The following DUT variants were observed in gnomAD, a reference collection of about 807,000 sequenced individuals.
The protein encoded by DUT is deoxyuridine 5'-triphosphate nucleotidohydrolase, mitochondrial.
A neutral mutation model predicts 28.8 loss-of-function variants in DUT; 21 were observed. The observed-to-expected ratio is 0.73, with a 90% CI of 0.52 to 1.05. The LOEUF is 1.05. DUT is among the 50% of genes least tolerant of loss of function. The pLI is 0.00. For missense variants in DUT, 344 were observed against 351.8 expected (o/e 0.98, Z 0.18); for synonymous variants, 147 against 143.7 (o/e 1.02, Z -0.17).
Position 48,332,383 on chromosome 15 carries a change from C to T in DUT, c.396C>T (p.Arg132=). Residue 132 remains arginine (R), a synonymous_variant, in exon 2 of 7, where the codon CGC becomes CGT. Transcript: ENST00000331200. ...HATAPTRGSA[R]AAGYDLYSAY... is the part of the protein sequence containing the mutation. ...CGGCCCCCACCCGGGGCTCCGCGCG[C>T]GCCGCGGGCTACGACCTGTACAGGT... The T allele has an allele frequency of 6.3e-7, 1 of 1,583,116 alleles. No homozygotes were observed. The highest frequency in any genetic ancestry group is 8.6e-7 in the Non-Finnish European group (1 of 1,167,460).
chr15:48,338,278 G>T (rs1330601953), intron 4 of DUT, among the ~76,000 whole-genome samples: 1 of 151,882 alleles, frequency 6.6e-6, no homozygotes, highest in Non-Finnish European at 1.5e-5. Context: ...TCACTTAAAG[G>T]TTTTTCACAT....
chr15:48,332,433 G>T (rs1293447601), intron 2 of DUT, 27 bp downstream of exon 2: 1 of 1,507,394 alleles, frequency 6.6e-7, no homozygotes, highest in Non-Finnish European at 8.8e-7. Context: ...CGGCGAGGAG[G>T]CTGGGAAGGG....
chr15:48,332,274 C>T lies in DUT; in HGVS notation c.287C>T (p.Pro96Leu), dbSNP rs752176645. 19 of 1,608,776 alleles carry T rather than the reference C, an allele frequency of 1.2e-5. No individual in the cohort carries two copies. Among genetic ancestry groups the T allele is most frequent in the African/African-American group, 2.7e-5 (2 of 74,352 alleles). Reference sequence around the variant, plus strand: ...GCCATGCCCTGCTCTGAAGAGACACCCGCCATTTCACCCAGTAAGCGGGCC... The same window carrying T: ...GCCATGCCCTGCTCTGAAGAGACACTCGCCATTTCACCCAGTAAGCGGGCC... ...GGSPAPGPET[P>L]AISPSKRARP... The change falls in exon 2 of 7, where the codon CCC becomes CTC. Residue 96 changes from proline (P) to leucine (L), a missense_variant. Pro to Leu is a moderately conservative substitution (Grantham distance 98). Transcript: ENST00000331200.
chr15:48,335,939 A>G, intron 3 of DUT, 107 bp from the exon 4 acceptor site: 1 of 818,286 alleles, frequency 1.2e-6, no homozygotes, highest in Non-Finnish European at 2.0e-6. Flanking sequence ...TAAGATGAAG[A>G]TATAGATATT....
chr15:48,332,226 C>T (rs752334505), intron 1 of DUT, 42 bp from the exon 2 acceptor site: 21 of 1,555,924 alleles, frequency 1.3e-5, no homozygotes, highest in Non-Finnish European at 1.8e-5. Flanking sequence ...CCCCGGTGGT[C>T]TCCTCGCTCG....
intron 5 of DUT, 24 bp downstream of exon 5, chr15:48,341,387 A>C (rs370738147): frequency 6.3e-7 from 1 of 1,579,940 alleles, no homozygotes. Flanking sequence ...ATACATTCAC[A>C]TAATTTTAGT....
At chr15:48,332,190 G>T in intron 1 of DUT, 78 bp from the exon 2 acceptor site, 5 of 1,497,018 alleles carry the variant, frequency 3.3e-6, no homozygotes, top group African/African-American at 2.9e-5. Flanking sequence ...TCCCTGCGGC[G>T]ACGCTCATCG....
intron 4 of DUT, among the ~76,000 whole-genome samples, chr15:48,339,934 G>C (rs1216778903): frequency 6.6e-6 from 1 of 152,002 alleles, no homozygotes; most frequent in Non-Finnish European, 1.5e-5. Context: ...TGGACCTAAG[G>C]GTTTGCTTTT....
In DUT at chr15:48,331,568, T is replaced by C. The variant is rs879386041; in HGVS notation, c.53T>C (p.Leu18Pro). The C allele has an allele frequency of 2.2e-5, 35 of 1,607,564 alleles. No individual in the cohort carries two copies. The highest frequency in any genetic ancestry group is 2.9e-5 in the Non-Finnish European group (34 of 1,177,760). ...PALCYHFLTSLLRSAMQNARG... is the reference protein window; with the variant it reads ...PALCYHFLTSPLRSAMQNARG... ...CTCTGCTACCATTTCCTTACGTCTC[T>C]GCTTCGCTCAGCGATGCAAAACGCG... Residue 18 changes from leucine to proline, a missense_variant, in exon 1 of 7, where the codon CTG (leucine) becomes CCG (proline). Physicochemically the swap from Leu to Pro is moderately conservative, Grantham distance 98. Transcript: ENST00000331200.
chr15:48,333,705 G>T (rs1364144278), intron 2 of DUT, among the ~76,000 whole-genome samples: 3 of 152,182 alleles, frequency 2.0e-5, no homozygotes, highest in Non-Finnish European at 4.4e-5. Flanking sequence ...GAGGAATTCT[G>T]TTCCTAAGCA....
At chr15:48,331,895 G>T in intron 1 of DUT, 100 bp downstream of exon 1, 1 of 798,440 alleles carries the variant, frequency 1.3e-6, no homozygotes, top group East Asian at 3.5e-5. Context: ...CTGCGCGCGG[G>T]GGGCGGGGGG....
At chr15:48,339,164 T>A (rs1364293834) in intron 4 of DUT, among the ~76,000 whole-genome samples, 2 of 152,018 alleles carry the variant, frequency 1.3e-5, no homozygotes, top group East Asian at 3.9e-4. Flanking sequence ...ATATCTTGTA[T>A]CTAAAAAGAA....
intron 5 of DUT, 26 bp from the exon 6 acceptor site, chr15:48,341,489 A>G (rs1243744790): frequency 2.5e-6 from 4 of 1,609,030 alleles, no homozygotes; most frequent in Non-Finnish European, 3.4e-6. Context: ...CAGTAACGTC[A>G]GTAATAAACT....
intron 3 of DUT, among the ~76,000 whole-genome samples, 179 bp downstream of exon 3, chr15:48,334,687 T>A (rs1180069976): frequency 6.6e-6 from 1 of 152,216 alleles, no homozygotes; most frequent in Non-Finnish European, 1.5e-5. Flanking sequence ...CTTTGCCTCT[T>A]TTTGACCCTT....
chr15:48,331,234 T>C (rs2042402665), upstream of DUT: 1 of 1,485,030 alleles, frequency 6.7e-7, no homozygotes, highest in African/African-American at 1.4e-5. Flanking sequence ...GCGTACACTC[T>C]CGGAAAAATG....
intron 1 of DUT, 177 bp from the exon 2 acceptor site, chr15:48,332,091 G>C: frequency 3.0e-6 from 4 of 1,322,056 alleles, no homozygotes; most frequent in Non-Finnish European, 3.9e-6. Flanking sequence ...TGTGAATCCC[G>C]CCTCCCCTCT....
upstream of DUT, chr15:48,331,272 A>T (rs1265413679): frequency 1.4e-6 from 2 of 1,457,130 alleles, no homozygotes; most frequent in East Asian, 5.1e-5. Context: ...GAAGAGCGAA[A>T]GCAAGAGGGC....
In DUT at chr15:48,331,735, G is replaced by A. The variant is rs1566871146; in HGVS notation, c.220G>A (p.Gly74Arg). 2 of 1,444,276 alleles carry A rather than the reference G, an allele frequency of 1.4e-6. No homozygotes were observed. The highest frequency in any genetic ancestry group is 1.8e-6 in the Non-Finnish European group (2 of 1,100,298). The allele number at this position is 1,444,276 out of a possible 1,614,324, so 89.5% of individuals were successfully genotyped here. ...SQGCRGASTV[G>R]AAGWKGELPK... is the part of the protein sequence containing the mutation. ...AGGCTGCCGCGGAGCCAGTACAGTC[G>A]GGGCCGCTGGCTGGAAGGGCGAGCT... is the stretch of plus-strand genomic sequence containing the variant. The change falls in exon 1 of 7, where the codon GGG (glycine) becomes AGG (arginine). Residue 74 changes from glycine (G) to arginine (R), a missense_variant. By Grantham distance (125) the Gly-to-Arg change is moderately radical. Coordinates refer to ENST00000331200, the MANE Select transcript of DUT (RefSeq NM_001025248.2).
At chr15:48,340,896 G>A (rs143346165) in intron 4 of DUT, among the ~76,000 whole-genome samples, 5 of 152,204 alleles carry the variant, frequency 3.3e-5, no homozygotes, top group African/African-American at 1.2e-4. Context: ...TGACTCAATC[G>A]TATTTCAATC....
Sources: allele counts gnomAD v4.1 joint callset (sites outside exome capture counted in the v4.1 genomes callset), GRCh38; gene constraint gnomAD v4.1.1; transcripts MANE v1.5; gene names NCBI Gene and HGNC (gene_info 2026-07-23, HGNC 2026-07-21).